Variants in ANXA3 observed in about 807,000 individuals in gnomAD.
ANXA3 encodes annexin A3, also known as 35-alpha calcimedin.
ANXA3 carries 46 observed loss-of-function variants against 48.8 expected under a neutral mutation model. The ratio of observed to expected loss-of-function variants is 0.94; its 90% CI spans 0.74 to 1.21. The LOEUF (loss-of-function observed/expected upper bound fraction) is 1.21, where lower values mean the gene tolerates loss of function less well. Among genes scored for constraint, ANXA3 ranks in the 50% most tolerant of loss-of-function variants. ANXA3 has a pLI of 0.00. For synonymous variants in ANXA3, 128 were observed against 134.7 expected, an observed-to-expected ratio of 0.95 and a Z score of 0.35; for missense variants, 383 against 378.6, an observed-to-expected ratio of 1.01 and a Z score of -0.10.
At chr4:78,593,140 CA>C (rs1723337074) in intron 7 of ANXA3, among the ~76,000 whole-genome samples, 2 of 151,642 alleles carry the variant, frequency 1.3e-5, no homozygotes, top group African/African-American at 4.9e-5. Flanking sequence ...CACACACACA[CA>C]CACACACACA....
At position 78,604,318 on chromosome 4, in the gene ANXA3, G is replaced by A. The variant is rs781497273; in HGVS notation, c.831G>A (p.Val277=). 6.2e-7 allele frequency: 1 copy of A among 1,613,472 alleles called. No homozygotes were observed. The highest frequency in any genetic ancestry group is 1.1e-5 in the South Asian group (1 of 91,048). The change falls in exon 12 of 13, where the codon GTG becomes GTA. Residue 277 remains valine (V), a synonymous_variant. Transcript: ENST00000264908. Reference sequence around the variant, plus strand: ...AGTTTACTCTGAACCGAATAATGGTGTCCAGATCAGAAATTGACCTTTTGG... The same window carrying A: ...AGTTTACTCTGAACCGAATAATGGTATCCAGATCAGAAATTGACCTTTTGG... ...TDEFTLNRIM[V]SRSEIDLLDI... is the part of the protein sequence containing the mutation.
At chr4:78,584,128 T>C (rs1386323888) in intron 5 of ANXA3, among the ~76,000 whole-genome samples, 1 of 152,216 alleles carries the variant, frequency 6.6e-6, no homozygotes, top group East Asian at 1.9e-4. Context: ...TTCCATTAAT[T>C]CACTCAAATA....
intron 5 of ANXA3, among the ~76,000 whole-genome samples, chr4:78,584,419 T>A (rs1039231443): frequency 6.6e-6 from 1 of 152,202 alleles, no homozygotes; most frequent in South Asian, 2.1e-4. Context: ...CAAGCAATCC[T>A]CCTGCCTCGG....
chr4:78,604,514 A>G lies in ANXA3; in HGVS notation c.912+115A>G, dbSNP rs114641359. 5.1e-3 allele frequency: 4,321 copies of G among 843,012 alleles called. 122 individuals carry two copies. The African/African-American group carries it at 0.065, about 13-fold the overall frequency. 52.2% of individuals were successfully genotyped at this position (843,012 alleles called of 1,614,324 possible). On this transcript the variant is annotated intron_variant, in intron 12 of 12. Transcript: ENST00000264908. ...GACTTAGATTTCTCTCTCCTTGTCA[A>G]TGTATAAATGTGTTGTCTGAGCTTA...
At chr4:78,555,169 C>T (rs1189822623) in intron 2 of ANXA3, among the ~76,000 whole-genome samples, 3 of 152,186 alleles carry the variant, frequency 2.0e-5, no homozygotes, top group Non-Finnish European at 4.4e-5. Context: ...CATGCCACTG[C>T]ACTCCAGCCT....
intron 10 of ANXA3, 104 bp from the exon 11 acceptor site, chr4:78,601,406 G>C (rs577882847): frequency 9.8e-7 from 1 of 1,022,224 alleles, no homozygotes; most frequent in Admixed American, 1.9e-5. Context: ...AGGGGATAGA[G>C]TGGTATGACA....
chr4:78,563,710 A>C (rs1005667581), intron 2 of ANXA3, among the ~76,000 whole-genome samples: 2 of 152,188 alleles, frequency 1.3e-5, no homozygotes, highest in African/African-American at 4.8e-5. Context: ...TCAGCCTGGA[A>C]TGCTAAGACA....
chr4:78,561,703 G>C (rs534861798), intron 2 of ANXA3, among the ~76,000 whole-genome samples: 1 of 152,172 alleles, frequency 6.6e-6, no homozygotes, highest in Admixed American at 6.5e-5. Context: ...TATTTTCACT[G>C]AAAGAGACTT....
In ANXA3 at chr4:78,593,625, C is replaced by CATTATT. The variant is rs568701695; in HGVS notation, c.484-1734_484-1729dup. 7.4e-3 allele frequency among the ~76,000 whole-genome samples: 1,088 copies of CATTATT among 146,992 alleles called. 14 individuals carry two copies. The highest frequency in any genetic ancestry group is 0.025 in the African/African-American group (1,001 of 39,270). On this transcript the variant is annotated intron_variant, in intron 7 of 12. Coordinates refer to ENST00000264908, the MANE Select transcript of ANXA3 (RefSeq NM_005139.3). ...CTATTCTACTCTCTCCTTTCCTTTC[C>CATTATT]ATTATTATTATTATTATTATTATTA...
chr4:78,578,066 G>A lies in ANXA3; in HGVS notation c.104-961G>A, dbSNP rs1283334776. On this transcript the variant is annotated intron_variant, in intron 3 of 12. Transcript: ENST00000264908. ...GGCTGAGGCGGGTGGATCACCTGAG[G>A]TCAGGAGTTCGAGACCAGCCTGATC... is the stretch of plus-strand genomic sequence containing the variant. Among the ~76,000 whole-genome samples the A allele has an allele frequency of 2.0e-5, 3 of 151,700 alleles. No individual in the cohort carries two copies. In the East Asian group the frequency reaches 5.8e-4, roughly 29 times the overall value.
chr4:78,598,179 C>CCACACACACACACACA (rs57634883), intron 10 of ANXA3, among the ~76,000 whole-genome samples: 21 of 144,764 alleles, frequency 1.5e-4, no homozygotes, highest in African/African-American at 5.0e-4. Context: ...ATTAAAAAAA[C>CCACACACACACACACA]CACACACACA....
At chr4:78,601,113 C>T (rs772392813) in intron 10 of ANXA3, among the ~76,000 whole-genome samples, 3 of 152,092 alleles carry the variant, frequency 2.0e-5, no homozygotes, top group African/African-American at 4.8e-5. Context: ...GGAGCAACAT[C>T]GCTGCAGTTG....
chr4:78,555,364 A>G (rs2109922294), intron 2 of ANXA3, among the ~76,000 whole-genome samples: 1 of 152,370 alleles, frequency 6.6e-6, no homozygotes, highest in East Asian at 1.9e-4. Flanking sequence ...CAACAATCCC[A>G]TTGGTAGAGG....
intron 5 of ANXA3, among the ~76,000 whole-genome samples, chr4:78,582,973 TA>T (rs1161681047): frequency 1.3e-5 from 2 of 152,214 alleles, no homozygotes; most frequent in African/African-American, 4.8e-5. Flanking sequence ...TGTGGCTTTT[TA>T]AAATTCTATT....
Position 78,582,415 on chromosome 4 carries a change from T to A in ANXA3, c.312+125T>A, listed in dbSNP as rs958902124. On this transcript the variant is annotated intron_variant, in intron 5 of 12. Coordinates refer to ENST00000264908, the MANE Select transcript of ANXA3 (RefSeq NM_005139.3). ...GCCCTTTTGGTCTGGACTCTCCCAG[T>A]GGTAGAATGACTCTGAAATAGGCAA... 10 of 604,400 alleles carry A rather than the reference T, an allele frequency of 1.7e-5. No individual in the cohort carries two copies. Among genetic ancestry groups the A allele is most frequent in the Non-Finnish European group, 2.4e-5 (8 of 332,312 alleles). The allele number at this position is 604,400 out of a possible 1,614,324, so 37.4% of individuals were successfully genotyped here. A position where few individuals can be genotyped will look rare whatever the true frequency, so the allele number is the denominator to read the frequency against.
intron 10 of ANXA3, among the ~76,000 whole-genome samples, chr4:78,599,921 A>G (rs1723500853): frequency 1.3e-5 from 2 of 151,978 alleles, no homozygotes; most frequent in African/African-American, 4.8e-5. Context: ...GTGAGATCCC[A>G]TCTCTAAAAG....
chr4:78,585,504 G>A (rs1463715026), intron 5 of ANXA3, among the ~76,000 whole-genome samples: 1 of 152,234 alleles, frequency 6.6e-6, no homozygotes, highest in Non-Finnish European at 1.5e-5. Flanking sequence ...ATTGGTCAGA[G>A]TTTAGTTTCT....
chr4:78,566,635 C>A (rs368533653), intron 2 of ANXA3, among the ~76,000 whole-genome samples: 1 of 124,294 alleles, frequency 8.0e-6, no homozygotes, highest in African/African-American at 3.1e-5. Flanking sequence ...ATATAGAGAA[C>A]GGAATAATAG....
chr4:78,607,683 A>G (rs1463142183), intron 12 of ANXA3, among the ~76,000 whole-genome samples: 1 of 152,238 alleles, frequency 6.6e-6, no homozygotes, highest in East Asian at 1.9e-4. Flanking sequence ...ATGAAGAAAC[A>G]ATTAGAAGAT....
Sources: allele counts gnomAD v4.1 joint callset (sites outside exome capture counted in the v4.1 genomes callset), GRCh38; gene constraint gnomAD v4.1.1; transcripts MANE v1.5; gene names NCBI Gene and HGNC (gene_info 2026-07-23, HGNC 2026-07-21).